Variants in AKAP10 observed in about 807,000 individuals in gnomAD.
AKAP10 encodes A-kinase anchoring protein 10, also known as A-kinase anchor protein 10, mitochondrial.
AKAP10 carries 24 observed loss-of-function variants against 80.8 expected under a neutral mutation model. The observed-to-expected ratio is 0.30, with a 90% CI of 0.22 to 0.42. The LOEUF is 0.42. AKAP10 is among the 10% of genes least tolerant of loss of function. The pLI, the probability that AKAP10 is intolerant of heterozygous loss-of-function variation, is 1.00. For synonymous variants in AKAP10, 291 were observed against 277.7 expected, an observed-to-expected ratio of 1.05 and a Z score of -0.48; for missense variants, 661 against 794.9, an observed-to-expected ratio of 0.83 and a Z score of 2.03.
intron 9 of AKAP10, among the ~76,000 whole-genome samples, chr17:19,935,158 G>A (rs537024950): frequency 6.6e-6 from 1 of 152,144 alleles, no homozygotes; most frequent in Admixed American, 6.5e-5. Flanking sequence ...ATTGCTTTTG[G>A]GCTACAAACC....
intron 11 of AKAP10, among the ~76,000 whole-genome samples, chr17:19,922,489 G>C (rs927000460): frequency 6.6e-6 from 1 of 151,994 alleles, no homozygotes; most frequent in Non-Finnish European, 1.5e-5. Context: ...CAAGTGAGCC[G>C]CCTGCCGAGG....
At chr17:19,936,460 C>G in intron 8 of AKAP10, 30 bp from the exon 9 acceptor site, 1 of 1,581,156 alleles carries the variant, frequency 6.3e-7, no homozygotes, top group East Asian at 2.3e-5. Flanking sequence ...GAAGTAAAAT[C>G]AAATTCCATA....
chr17:19,921,794 A>T (rs1171580806), intron 11 of AKAP10, among the ~76,000 whole-genome samples: 1 of 152,150 alleles, frequency 6.6e-6, no homozygotes, highest in Non-Finnish European at 1.5e-5. Context: ...TGACTTAAAT[A>T]CTCATTGATA....
chr17:19,955,608 G>A (rs1312703209), intron 4 of AKAP10, among the ~76,000 whole-genome samples: 1 of 152,068 alleles, frequency 6.6e-6, no homozygotes, highest in African/African-American at 2.4e-5. Context: ...AGGCTGAGGT[G>A]GGCAGATCAC....
At chr17:19,941,768 C>G in intron 6 of AKAP10, 58 bp downstream of exon 6, 1 of 1,344,098 alleles carries the variant, frequency 7.4e-7, no homozygotes, top group Non-Finnish European at 1.0e-6. Flanking sequence ...GAAGCCCATT[C>G]CTAACAATGA....
At chr17:19,934,477 A>T (rs895402841) in intron 9 of AKAP10, among the ~76,000 whole-genome samples, 1 of 152,146 alleles carries the variant, frequency 6.6e-6, no homozygotes, top group African/African-American at 2.4e-5. Flanking sequence ...CCTCCTGAGT[A>T]GCTGGAACTA....
intron 12 of AKAP10, among the ~76,000 whole-genome samples, chr17:19,919,176 G>A (rs1233312383): frequency 2.0e-5 from 3 of 151,454 alleles, no homozygotes; most frequent in African/African-American, 7.3e-5. Flanking sequence ...AGCATGCGGT[G>A]TTTGGTTTTC....
At position 19,905,170 on chromosome 17, in the gene AKAP10, T is replaced by C. The variant is rs2042619912; in HGVS notation, c.*1057A>G. ...CCAACTGGGCAGTCCTGCTGATGGC[T>C]GTGTGATCCCGATGCAGAAGCCAAC... On this transcript the variant is annotated 3_prime_UTR_variant, in exon 15 of 15. Coordinates refer to ENST00000225737, the MANE Select transcript of AKAP10 (RefSeq NM_007202.4). 1.3e-5 allele frequency: 2 copies of C among 152,050 alleles called. No individual in the cohort carries two copies. The allele number at this position is 152,050 out of a possible 1,614,324, so 9.4% of individuals were successfully genotyped here.
chr17:19,912,610 C>T (rs970134308), intron 12 of AKAP10, among the ~76,000 whole-genome samples: 4 of 151,804 alleles, frequency 2.6e-5, no homozygotes. Context: ...CTCAGCTACT[C>T]GAGAGGCTGA....
rs35782741 is a variant in AKAP10 at position 19,905,030 on chromosome 17, A to ATTTT, written c.*1193_*1196dup. 1.2e-4 allele frequency: 17 copies of ATTTT among 144,196 alleles called. No individual in the cohort carries two copies. The East Asian group carries it at 3.1e-3, about 27-fold the overall frequency. The allele number at this position is 144,196 out of a possible 1,614,324, so 8.9% of individuals were successfully genotyped here. On this transcript the variant is annotated 3_prime_UTR_variant, in exon 15 of 15. Transcript: ENST00000225737. Reference sequence around the variant, plus strand: ...TATATATTTATACATATATATATATATTTTTTTTTTTGCAAAGTCTGAGCA... The same window carrying ATTTT: ...TATATATTTATACATATATATATATATTTTTTTTTTTTTTTGCAAAGTCTGAGCA...
At chr17:19,947,209 A>G (rs549010756) in intron 5 of AKAP10, 198 bp downstream of exon 5, 73 of 543,386 alleles carry the variant, frequency 1.3e-4, no homozygotes, top group Non-Finnish European at 6.6e-6. Context: ...GGCCCAGGCA[A>G]AGACCCTCGC....
At chr17:19,927,441 G>C (rs184046423) in intron 10 of AKAP10, among the ~76,000 whole-genome samples, 1 of 152,212 alleles carries the variant, frequency 6.6e-6, no homozygotes, top group East Asian at 1.9e-4. Flanking sequence ...TTTGATAAGG[G>C]ACATTTATCT....
rs1474640121 is a variant in AKAP10, at chr17:19,953,821, C to A, written c.877+4193G>T. ...CCAAGGTGGGCTAATCACTTGAGGT[C>A]ACAAGTTCGAGACCAGCTTGGCTAA... On this transcript the variant is annotated intron_variant, in intron 4 of 14. Transcript: ENST00000225737. Among the ~76,000 whole-genome samples, 4 of 152,090 alleles carry A rather than the reference C, an allele frequency of 2.6e-5. No homozygotes were observed. The East Asian group carries it at 7.7e-4, about 29-fold the overall frequency.
intron 4 of AKAP10, among the ~76,000 whole-genome samples, chr17:19,949,500 G>C (rs556785558): frequency 9.2e-5 from 14 of 152,196 alleles, no homozygotes; most frequent in Middle Eastern, 3.4e-3. Context: ...AGCCGGGCGC[G>C]GTGGCTCACG....
In AKAP10 at chr17:19,953,031, A is replaced by ATTTATT. The variant is rs1420971368; in HGVS notation, c.877+4982_877+4983insAATAAA. Among the ~76,000 whole-genome samples the ATTTATT allele has an allele frequency of 2.6e-4, 39 of 152,298 alleles. 1 individual carries two copies. The Middle Eastern group carries it at 0.014, about 53-fold the overall frequency. ...AAAAAATTTTTTAATGTTATTTTTA[A>ATTTATT]AAATTAATAAATGAAATCATTCAAA... On this transcript the variant is annotated intron_variant, in intron 4 of 14. Transcript: ENST00000225737.
At chr17:19,927,023 T>A (rs2042881984) in intron 10 of AKAP10, among the ~76,000 whole-genome samples, 1 of 151,922 alleles carries the variant, frequency 6.6e-6, no homozygotes, top group Non-Finnish European at 1.5e-5. Context: ...CTCGGGAGGC[T>A]GAAGCAGGAA....
rs11365343 is a variant in AKAP10, at chr17:19,929,999, C to CAA, written c.1641+1804_1641+1805dup. 8.8e-4 allele frequency among the ~76,000 whole-genome samples: 72 copies of CAA among 81,838 alleles called. 1 individual carries two copies. Among genetic ancestry groups the CAA allele is most frequent in the Non-Finnish European group, 8.5e-4 (33 of 38,896 alleles). 53.7% of individuals were successfully genotyped at this position (81,838 alleles called of 152,430 possible). A position where few individuals can be genotyped will look rare whatever the true frequency, so the allele number is the denominator to read the frequency against. ...CTCAAACAATGACAACAACAAAAAC[C>CAA]AAAAAAAAAAAAAAAAAAAACCAAG... On this transcript the variant is annotated intron_variant, in intron 10 of 14. Transcript: ENST00000225737.
rs1333335681 is a variant in AKAP10 at position 19,940,992 on chromosome 17, CAGAAACTCACTA to C, written c.1068_1079del (p.Phe356_Phe359del). The C allele has an allele frequency of 6.2e-7, 1 of 1,605,598 alleles. No homozygotes were observed. The highest frequency in any genetic ancestry group is 1.7e-5 in the Admixed American group (1 of 57,206). ...GGTATTTACAGAAATGGTGACTTCG[CAGAAACTCACTA>C]AAGTGCCTGCACATGGACAAAAGGG... On this transcript the variant is annotated inframe_deletion, in exon 7 of 15. Transcript: ENST00000225737.
Position 19,955,221 on chromosome 17 carries a change from CA to C in AKAP10, c.877+2792del, listed in dbSNP as rs375807748. ...CGGGCGACAGAGCAAGACGCTGTCTCAAAAAAAAAAATAAGAAAAAAAAAGA... is the reference window on the plus strand; with the variant it reads ...CGGGCGACAGAGCAAGACGCTGTCTCAAAAAAAAAATAAGAAAAAAAAAGA... On this transcript the variant is annotated intron_variant, in intron 4 of 14. Transcript: ENST00000225737. Among the ~76,000 whole-genome samples the C allele has an allele frequency of 6.6e-3, 843 of 128,690 alleles. 13 individuals carry two copies. In the East Asian group the frequency reaches 0.078, roughly 12 times the overall value. The allele number at this position is 128,690 out of a possible 152,430, so 84.4% of individuals were successfully genotyped here. A position where few individuals can be genotyped will look rare whatever the true frequency, so the allele number is the denominator to read the frequency against.
Sources: allele counts gnomAD v4.1 joint callset (sites outside exome capture counted in the v4.1 genomes callset), GRCh38; gene constraint gnomAD v4.1.1; transcripts MANE v1.5; gene names NCBI Gene and HGNC (gene_info 2026-07-23, HGNC 2026-07-21).